MYT1L: variants seen among roughly 807,000 people sequenced by gnomAD.
MYT1L encodes the protein myelin transcription factor 1-like protein.
In MYT1L, 12 loss-of-function variants were observed where a neutral mutation model predicts 126.7. The ratio of observed to expected loss-of-function variants is 0.09; its 90% CI spans 0.06 to 0.15. MYT1L has a LOEUF of 0.15. Ranked by LOEUF, MYT1L falls within the 10% of genes least tolerant of loss-of-function variation. The pLI is 1.00. For missense variants in MYT1L, 979 were observed against 1,585.2 expected (o/e 0.62, Z 6.49); for synonymous variants, 541 against 604.2 (o/e 0.90, Z 1.53).
intron 4 of MYT1L, among the ~76,000 whole-genome samples, chr2:2,006,064 C>T (rs1487951428): frequency 6.6e-6 from 1 of 151,914 alleles, no homozygotes; most frequent in East Asian, 1.9e-4. Context: ...GCATTCTTTC[C>T]TGCATGTGTT....
intron 4 of MYT1L, among the ~76,000 whole-genome samples, chr2:2,039,023 C>A (rs1396005205): frequency 6.6e-6 from 1 of 152,164 alleles, no homozygotes; most frequent in Non-Finnish European, 1.5e-5. Flanking sequence ...GGCACTGTCA[C>A]CTCTAGCTCC....
At chr2:2,243,044 T>G in intron 2 of MYT1L, among the ~76,000 whole-genome samples, 1 of 152,102 alleles carries the variant, frequency 6.6e-6, no homozygotes, top group East Asian at 1.9e-4. Flanking sequence ...GATGGCTATC[T>G]GTTGACCAAG....
At chr2:2,288,885 A>G (rs1302996023) in intron 1 of MYT1L, among the ~76,000 whole-genome samples, 3 of 152,232 alleles carry the variant, frequency 2.0e-5, no homozygotes, top group African/African-American at 7.2e-5. Flanking sequence ...TGCCAGGCTT[A>G]TATTCTTCTT....
chr2:2,271,045 G>A (rs1341616575), intron 2 of MYT1L, among the ~76,000 whole-genome samples: 3 of 152,178 alleles, frequency 2.0e-5, no homozygotes, highest in Admixed American at 6.5e-5. Flanking sequence ...TTGCTGGCTC[G>A]AGAGGTCCCG....
At chr2:2,007,131 CTGCAATGAACATGGGAGT>C (rs894153696) in intron 4 of MYT1L, among the ~76,000 whole-genome samples, 14 of 152,020 alleles carry the variant, frequency 9.2e-5, no homozygotes, top group Non-Finnish European at 2.1e-4. Flanking sequence ...GTCAATCATG[CTGCAATGAACATGGGAGT>C]TGCAGGCATC....
chr2:1,877,563 T>C (rs2047064358), intron 18 of MYT1L, among the ~76,000 whole-genome samples: 1 of 152,152 alleles, frequency 6.6e-6, no homozygotes. Flanking sequence ...AGATTTTTTA[T>C]CCTTGTTCAG....
At chr2:2,017,700 C>T (rs1250500587) in intron 4 of MYT1L, among the ~76,000 whole-genome samples, 1 of 151,942 alleles carries the variant, frequency 6.6e-6, no homozygotes. Flanking sequence ...ATAATCCTAT[C>T]TATCTATCTA....
At chr2:1,924,085 C>T (rs2053915090) in intron 9 of MYT1L, among the ~76,000 whole-genome samples, 1 of 152,130 alleles carries the variant, frequency 6.6e-6, no homozygotes, top group Non-Finnish European at 1.5e-5. Flanking sequence ...CTGGCACATT[C>T]CTCCATCTCA....
intron 3 of MYT1L, among the ~76,000 whole-genome samples, chr2:2,103,498 C>A (rs1184709368): frequency 6.6e-6 from 1 of 152,242 alleles, no homozygotes; most frequent in Non-Finnish European, 1.5e-5. Context: ...GGCCATTCAA[C>A]AACAGCTTGG....
intron 9 of MYT1L, among the ~76,000 whole-genome samples, chr2:1,936,444 C>A (rs924151652): frequency 6.6e-6 from 1 of 152,190 alleles, no homozygotes; most frequent in Admixed American, 6.5e-5. Flanking sequence ...TGTACTTCAA[C>A]GTAGCTGCAC....
intron 5 of MYT1L, among the ~76,000 whole-genome samples, chr2:1,984,410 TG>T (rs2060845784): frequency 6.6e-6 from 1 of 151,974 alleles, no homozygotes; most frequent in African/African-American, 2.4e-5. Flanking sequence ...TTTCCCAGGC[TG>T]GTCTTGAACT....
chr2:2,044,923 G>A lies in MYT1L; in HGVS notation c.-158+9055C>T, dbSNP rs576760966. 2.6e-5 allele frequency among the ~76,000 whole-genome samples: 4 copies of A among 152,320 alleles called. No individual in the cohort carries two copies. In the East Asian group the frequency reaches 7.7e-4, roughly 29 times the overall value. On this transcript the variant is annotated intron_variant, in intron 4 of 24. Coordinates refer to ENST00000647738, the MANE Select transcript of MYT1L (RefSeq NM_001303052.2). ...AGGTACAACTGACACATGGAAATTT[G>A]TTGGATCAGTTGCACTAATTGGATA...
intron 18 of MYT1L, among the ~76,000 whole-genome samples, chr2:1,868,079 G>A (rs1367648909): frequency 1.3e-5 from 2 of 152,116 alleles, no homozygotes; most frequent in East Asian, 1.9e-4. Context: ...TGATTCCCCT[G>A]CCTCAGCCTC....
intron 3 of MYT1L, among the ~76,000 whole-genome samples, chr2:2,153,889 C>G (rs970960068): frequency 6.6e-6 from 1 of 152,012 alleles, no homozygotes; most frequent in Non-Finnish European, 1.5e-5. Context: ...GAGGAACCCC[C>G]GGGTGCAGCG....
intron 5 of MYT1L, among the ~76,000 whole-genome samples, chr2:1,985,288 C>A (rs2060925557): frequency 6.6e-6 from 1 of 152,168 alleles, no homozygotes; most frequent in African/African-American, 2.4e-5. Context: ...TCAGTCCTAG[C>A]CTCTGTGAGG....
intron 14 of MYT1L, 75 bp downstream of exon 14, chr2:1,903,005 A>T: frequency 7.3e-7 from 1 of 1,362,862 alleles, no homozygotes; most frequent in Non-Finnish European, 1.0e-6. Context: ...ACTAATTTGT[A>T]GGACATTGAT....
chr2:2,232,879 T>C (rs925879801), intron 2 of MYT1L, among the ~76,000 whole-genome samples: 4 of 152,202 alleles, frequency 2.6e-5, no homozygotes, highest in Non-Finnish European at 4.4e-5. Flanking sequence ...CCCTTCTCTC[T>C]GATTGTACTG....
intron 20 of MYT1L, 41 bp downstream of exon 20, chr2:1,840,719 G>C: frequency 7.0e-7 from 1 of 1,423,076 alleles, no homozygotes; most frequent in Non-Finnish European, 9.7e-7. Flanking sequence ...GTCCCCACAT[G>C]GCAGCCCTGC....
chr2:2,256,635 C>T (rs985777816), intron 2 of MYT1L, among the ~76,000 whole-genome samples: 6 of 152,132 alleles, frequency 3.9e-5, no homozygotes, highest in Admixed American at 6.6e-5. Context: ...AGAGGGAATT[C>T]GAAGAAACTG....
Sources: gnomAD v4.1 joint callset for allele counts (sites outside exome capture counted in the v4.1 genomes callset) on GRCh38, gnomAD v4.1.1 for gene constraint, MANE v1.5 for transcripts, NCBI Gene and HGNC (gene_info 2026-07-23, HGNC 2026-07-21) for gene names.